CDKAL1: variants seen among roughly 807,000 people sequenced by gnomAD.
CDKAL1 encodes the protein threonylcarbamoyladenosine tRNA methylthiotransferase.
A neutral mutation model predicts 68.2 loss-of-function variants in CDKAL1; 32 were observed. The observed-to-expected ratio is 0.47, with a 90% CI of 0.35 to 0.63. CDKAL1 has a LOEUF of 0.63. Among genes scored for constraint, CDKAL1 ranks in the 30% least tolerant of loss-of-function variants. CDKAL1 has a pLI of 0.00. For synonymous variants in CDKAL1, 234 were observed against 244.3 expected, an observed-to-expected ratio of 0.96 and a Z score of 0.39; for missense variants, 606 against 696.7, an observed-to-expected ratio of 0.87 and a Z score of 1.47.
At chr6:20,616,972 T>G (rs891350882) in intron 4 of CDKAL1, among the ~76,000 whole-genome samples, 1 of 149,154 alleles carries the variant, frequency 6.7e-6, no homozygotes, top group African/African-American at 2.5e-5. Context: ...TGCACGAAGT[T>G]GAGGCTGCAG....
chr6:20,853,391 CAAAAAAAAAACAA>C lies in CDKAL1; in HGVS notation c.742+7223_742+7235del, dbSNP rs1374924427. On this transcript the variant is annotated intron_variant, in intron 9 of 15. Transcript: ENST00000274695. Reference sequence around the variant, plus strand: ...GGGGATTTCGTCTCAAAAAACAAAACAAAAAAAAAACAAAAAAAAAAACCCTATATGATAGGGG... The same window carrying C: ...GGGGATTTCGTCTCAAAAAACAAAACAAAAAAAAACCCTATATGATAGGGG... Among the ~76,000 whole-genome samples, 706 of 55,446 alleles carry C rather than the reference CAAAAAAAAAACAA, an allele frequency of 0.013. 8 individuals carry two copies. The Middle Eastern group carries it at 0.18, about 14-fold the overall frequency. 36.4% of individuals were successfully genotyped at this position (55,446 alleles called of 152,430 possible).
chr6:21,091,785 TTA>T lies in CDKAL1; in HGVS notation c.1237-16615_1237-16614del, dbSNP rs1773018269. On this transcript the variant is annotated intron_variant, in intron 12 of 15. Coordinates refer to ENST00000274695, the MANE Select transcript of CDKAL1 (RefSeq NM_017774.3). ...GATGTTGACATCAGAGGTTCCATAA[TTA>T]AACAATTCAACCAGATCATCCTATA... 3.3e-5 allele frequency among the ~76,000 whole-genome samples: 5 copies of T among 150,804 alleles called. No homozygotes were observed. In the South Asian group the frequency reaches 1.1e-3, roughly 32 times the overall value.
At chr6:20,933,430 A>C (rs1401135335) in intron 9 of CDKAL1, among the ~76,000 whole-genome samples, 1 of 152,224 alleles carries the variant, frequency 6.6e-6, no homozygotes, top group Non-Finnish European at 1.5e-5. Flanking sequence ...ATAGTTATTA[A>C]CTAAAAGGAG....
rs113445796 is a variant in CDKAL1, at chr6:20,553,501, A to G, written c.286+4796A>G. Among the ~76,000 whole-genome samples the G allele has an allele frequency of 6.6e-3, 1,000 of 152,242 alleles. 13 individuals are homozygous for G. The highest frequency in any genetic ancestry group is 0.022 in the African/African-American group (919 of 41,544). On this transcript the variant is annotated intron_variant, in intron 4 of 15. Coordinates refer to ENST00000274695, the MANE Select transcript of CDKAL1 (RefSeq NM_017774.3). ...TCCAGCCTGGGTGACAGAGTGAGAC[A>G]CTGTCTCAAAAAAACAAACAAAAAC... is the stretch of plus-strand genomic sequence containing the variant.
intron 5 of CDKAL1, among the ~76,000 whole-genome samples, chr6:20,683,587 C>A (rs1469471273): frequency 6.6e-6 from 1 of 152,120 alleles, no homozygotes; most frequent in African/African-American, 2.4e-5. Flanking sequence ...AGATTCACAG[C>A]AAAATTGAGA....
intron 13 of CDKAL1, among the ~76,000 whole-genome samples, chr6:21,193,348 G>T (rs1232269972): frequency 6.6e-6 from 1 of 152,190 alleles, no homozygotes; most frequent in African/African-American, 2.4e-5. Flanking sequence ...GGCTTGATTA[G>T]AGTACATAAT....
At chr6:20,718,338 C>T (rs1030481165) in intron 5 of CDKAL1, among the ~76,000 whole-genome samples, 16 of 152,152 alleles carry the variant, frequency 1.1e-4, no homozygotes, top group Non-Finnish European at 1.9e-4. Flanking sequence ...AAAGAGAAAT[C>T]CTATTGTCAT....
chr6:21,061,817 C>A (rs1450897912), intron 11 of CDKAL1, among the ~76,000 whole-genome samples: 1 of 152,128 alleles, frequency 6.6e-6, no homozygotes, highest in Non-Finnish European at 1.5e-5. Context: ...CATTAAAGTG[C>A]AGTCTCTACT....
chr6:20,850,612 A>C (rs1426966814), intron 9 of CDKAL1, among the ~76,000 whole-genome samples: 1 of 151,960 alleles, frequency 6.6e-6, no homozygotes, highest in Non-Finnish European at 1.5e-5. Flanking sequence ...TAATTTTTCT[A>C]TTTTTGATAG....
intron 12 of CDKAL1, among the ~76,000 whole-genome samples, chr6:21,076,290 T>TAGA (rs1434984266): frequency 6.6e-5 from 10 of 152,198 alleles, no homozygotes; most frequent in African/African-American, 2.2e-4. Context: ...AAATCATATA[T>TAGA]AGAAGCTTGC....
intron 9 of CDKAL1, among the ~76,000 whole-genome samples, chr6:20,923,653 GAGGCC>G (rs1474656129): frequency 6.6e-6 from 1 of 152,156 alleles, no homozygotes; most frequent in African/African-American, 2.4e-5. Flanking sequence ...CATTGACTTA[GAGGCC>G]TACAAAGGCC....
chr6:20,923,386 T>C (rs1561887455), intron 9 of CDKAL1, among the ~76,000 whole-genome samples: 1 of 152,256 alleles, frequency 6.6e-6, no homozygotes, highest in Non-Finnish European at 1.5e-5. Context: ...ACTTTGTGTC[T>C]CTGTGCCACA....
At chr6:20,963,021 A>C (rs985111292) in intron 10 of CDKAL1, among the ~76,000 whole-genome samples, 1 of 152,220 alleles carries the variant, frequency 6.6e-6, no homozygotes, top group African/African-American at 2.4e-5. Flanking sequence ...TAAAGAGAGA[A>C]AACTTTTATC....
At chr6:20,850,081 G>C (rs2150502636) in intron 9 of CDKAL1, among the ~76,000 whole-genome samples, 1 of 152,222 alleles carries the variant, frequency 6.6e-6, no homozygotes, top group Middle Eastern at 3.4e-3. Flanking sequence ...TCAGGTGATA[G>C]GAATATTCTT....
chr6:21,204,078 CTG>C (rs1365912954), intron 15 of CDKAL1, among the ~76,000 whole-genome samples: 7 of 152,142 alleles, frequency 4.6e-5, no homozygotes, highest in Non-Finnish European at 1.0e-4. Context: ...TGAAGAAAAA[CTG>C]TAGATAGACA....
intron 5 of CDKAL1, among the ~76,000 whole-genome samples, chr6:20,714,442 G>A (rs1256631885): frequency 1.6e-5 from 2 of 123,060 alleles, no homozygotes; most frequent in African/African-American, 3.1e-5. Flanking sequence ...AGACTGGAGT[G>A]TAGTGGTACA....
chr6:21,132,320 A>C (rs1032622481), intron 13 of CDKAL1, among the ~76,000 whole-genome samples: 7 of 152,150 alleles, frequency 4.6e-5, no homozygotes, highest in Non-Finnish European at 1.5e-5. Context: ...GATAAATGTG[A>C]TTTACGCAGA....
rs80051055 is a variant in CDKAL1, at chr6:21,087,829, A to G, written c.1237-20572A>G. 6.7e-3 allele frequency among the ~76,000 whole-genome samples: 1,016 copies of G among 152,222 alleles called. 14 individuals are homozygous for G. Among genetic ancestry groups the G allele is most frequent in the African/African-American group, 0.023 (948 of 41,526 alleles). On this transcript the variant is annotated intron_variant, in intron 12 of 15. Transcript: ENST00000274695. ...ACACACACACATTTCCTAGAAAAAA[A>G]ACAAATTTGTCCAAAAATCTCCGAC...
At chr6:21,035,536 T>A (rs1279370942) in intron 11 of CDKAL1, among the ~76,000 whole-genome samples, 3 of 152,150 alleles carry the variant, frequency 2.0e-5, no homozygotes, top group Non-Finnish European at 2.9e-5. Flanking sequence ...TGTGTATATG[T>A]GTGTTTATCA....
Sources: allele counts gnomAD v4.1 joint callset (sites outside exome capture counted in the v4.1 genomes callset), GRCh38; gene constraint gnomAD v4.1.1; transcripts MANE v1.5; gene names NCBI Gene and HGNC (gene_info 2026-07-23, HGNC 2026-07-21).